Variants in REPS2 observed in about 807,000 individuals in gnomAD.
REPS2 encodes the protein RALBP1 associated Eps domain containing 2, also known as ralBP1-associated Eps domain-containing protein 2.
A neutral mutation model predicts 53.6 loss-of-function variants in REPS2; 23 were observed. That is an observed-to-expected ratio of 0.43 (90% CI 0.31 to 0.61). The LOEUF is 0.61. Ranked by LOEUF, REPS2 falls within the 20% of genes least tolerant of loss-of-function variation. The pLI is 0.11. For missense variants in REPS2, 446 were observed against 534.9 expected (o/e 0.83, Z 1.64); for synonymous variants, 238 against 218.6 (o/e 1.09, Z -0.78).
chrX:17,004,206 G>T (rs187821473), intron 1 of REPS2, among the ~76,000 whole-genome samples: 15 of 110,571 alleles, frequency 1.4e-4, no homozygotes, highest in African/African-American at 4.9e-4. Flanking sequence ...TTTATTTTGA[G>T]GAAAGCCCAG....
At chrX:17,064,100 GTCTT>G (rs2062194915) in intron 9 of REPS2, among the ~76,000 whole-genome samples, 1 of 38,639 alleles carries the variant, frequency 2.6e-5, no homozygotes, top group South Asian at 1.4e-3. Context: ...AAACTACCTA[GTCTT>G]TTTTTTTTTT....
At chrX:17,158,124 C>G (rs1331445709), downstream of REPS2, among the ~76,000 whole-genome samples, 1 of 112,126 alleles carries the variant, frequency 8.9e-6, no homozygotes, top group Non-Finnish European at 1.9e-5. Flanking sequence ...GTTACATACA[C>G]ACGTGCACCA....
rs762429370 is a variant in REPS2 at position 16,980,861 on chromosome X, A to G, written c.274-25360A>G. Among the ~76,000 whole-genome samples the G allele has an allele frequency of 1.1e-4, 12 of 112,133 alleles. No homozygotes were observed. In the East Asian group the frequency reaches 3.4e-3, roughly 31 times the overall value. On this transcript the variant is annotated intron_variant, in intron 1 of 17. Transcript: ENST00000357277. The stretch of plus-strand genomic sequence containing the variant: ...AGATTAGAAGCACTATCATATGTTC[A>G]TTTTCTGATCGCAGTTTAAGAAAGA...
At chrX:17,165,578 T>G in the REPS2 span, among the ~76,000 whole-genome samples, 1 of 111,730 alleles carries the variant, frequency 9.0e-6, no homozygotes, top group Non-Finnish European at 1.9e-5. Flanking sequence ...TGCACCCTAT[T>G]TAGTTGTCTG....
At chrX:17,166,637 A>C in the REPS2 span, among the ~76,000 whole-genome samples, 1 of 111,833 alleles carries the variant, frequency 8.9e-6, no homozygotes, top group African/African-American at 3.3e-5. Context: ...AGTTTATTTT[A>C]TATTCCAGCC....
rs201011654 is a variant in REPS2 at position 16,996,068 on chromosome X, T to TAAGGTTTAC, written c.274-10150_274-10149insGTTTACAAG. 4.8e-3 allele frequency among the ~76,000 whole-genome samples: 532 copies of TAAGGTTTAC among 110,783 alleles called. 5 individuals carry two copies. Among genetic ancestry groups the TAAGGTTTAC allele is most frequent in the African/African-American group, 0.016 (484 of 30,392 alleles). Reference sequence around the variant, plus strand: ...AAGCATTGCTCAGTGGCAGGAGTTGTAAGAGTAGGGAAGGTTTAGGAATTT... The same window carrying TAAGGTTTAC: ...AAGCATTGCTCAGTGGCAGGAGTTGTAAGGTTTACAAGAGTAGGGAAGGTTTAGGAATTT... On this transcript the variant is annotated intron_variant, in intron 1 of 17. Transcript: ENST00000357277.
At chrX:16,952,339 G>A (rs188439806) in intron 1 of REPS2, among the ~76,000 whole-genome samples, 2 of 111,741 alleles carry the variant, frequency 1.8e-5, no homozygotes, top group African/African-American at 6.5e-5. Flanking sequence ...TTGGTTTTCT[G>A]TTCCTGTGTT....
chrX:17,007,600 G>A (rs1394301297), intron 2 of REPS2, among the ~76,000 whole-genome samples: 1 of 111,984 alleles, frequency 8.9e-6, no homozygotes, highest in African/African-American at 3.2e-5. Flanking sequence ...CAGGGAAAGA[G>A]TATCTCACCC....
chrX:17,010,701 C>T (rs1277189494), intron 2 of REPS2, among the ~76,000 whole-genome samples: 1 of 111,328 alleles, frequency 9.0e-6, no homozygotes, highest in Non-Finnish European at 1.9e-5. Context: ...TGAAGAGGTG[C>T]ATGTCTACGC....
intron 1 of REPS2, among the ~76,000 whole-genome samples, chrX:16,968,159 T>C (rs2147673291): frequency 9.0e-6 from 1 of 111,004 alleles, no homozygotes; most frequent in African/African-American, 3.3e-5. Flanking sequence ...GGGTTGGGGG[T>C]AAGGTCACAG....
chrX:17,017,556 G>GATAT lies in REPS2; in HGVS notation c.398-4552_398-4549dup, dbSNP rs756415128. Among the ~76,000 whole-genome samples the GATAT allele has an allele frequency of 3.7e-3, 392 of 105,643 alleles. 2 individuals are homozygous for GATAT. Among genetic ancestry groups the GATAT allele is most frequent in the African/African-American group, 0.01 (302 of 28,997 alleles). The allele number at this position is 105,643 out of a possible 115,157, so 91.7% of individuals were successfully genotyped here. A position where few individuals can be genotyped will look rare whatever the true frequency, so the allele number is the denominator to read the frequency against. ...TGGGAATTTGGGTGTTGGTTACAGG[G>GATAT]ATATATATATATATATATGTATTTG... On this transcript the variant is annotated intron_variant, in intron 2 of 17. Coordinates refer to ENST00000357277, the MANE Select transcript of REPS2 (RefSeq NM_004726.3).
At chrX:16,970,825 G>A (rs925191129) in intron 1 of REPS2, among the ~76,000 whole-genome samples, 14 of 112,391 alleles carry the variant, frequency 1.2e-4, no homozygotes, top group African/African-American at 3.9e-4. Flanking sequence ...AATGTAGCAC[G>A]TATCAGCACT....
chrX:16,946,873 AGCGGCGGCG>A lies in REPS2; in HGVS notation c.24_32del (p.Ala15_Ala17del), dbSNP rs1159423697. 5.6e-5 allele frequency: 42 copies of A among 744,899 alleles called. No homozygotes were observed. In the East Asian group the frequency reaches 7.8e-4, roughly 14 times the overall value. 61.4% of individuals were successfully genotyped at this position (744,899 alleles called of 1,213,427 possible). A position where few individuals can be genotyped will look rare whatever the true frequency, so the allele number is the denominator to read the frequency against. ...CCCTTGCTGGCCCCATGGAGGCGGCAGCGGCGGCGGCGGCGGCGGCAGCGGCAGCGGCAG... is the reference window on the plus strand; with the variant it reads ...CCCTTGCTGGCCCCATGGAGGCGGCAGCGGCGGCGGCAGCGGCAGCGGCAG... On this transcript the variant is annotated inframe_deletion, in exon 1 of 18. Transcript: ENST00000357277.
intron 14 of REPS2, among the ~76,000 whole-genome samples, chrX:17,128,712 A>C (rs1276282398): frequency 8.9e-6 from 1 of 112,833 alleles, no homozygotes; most frequent in East Asian, 2.8e-4. Flanking sequence ...TCAGCTCAGC[A>C]GGGATCATAT....
At chrX:17,073,092 G>A in intron 11 of REPS2, among the ~76,000 whole-genome samples, 1 of 111,771 alleles carries the variant, frequency 8.9e-6, no homozygotes, top group Middle Eastern at 4.6e-3. Context: ...TCTCTGTCCT[G>A]TTATCTAACC....
chrX:17,006,356 A>G lies in REPS2; in HGVS notation c.397+12A>G, dbSNP rs1319212919. On this transcript the variant is annotated intron_variant, in intron 2 of 17. Transcript: ENST00000357277. ...GAGTATTAAATGTGGTGAGTATCTC[A>G]CATTTGTATGTTTTATTGTCCATGG... 1.7e-6 allele frequency: 2 copies of G among 1,202,410 alleles called. No homozygotes were observed. The highest frequency in any genetic ancestry group is 1.8e-5 in the African/African-American group (1 of 57,003).
intron 5 of REPS2, among the ~76,000 whole-genome samples, chrX:17,042,578 A>C (rs1270808995): frequency 1.8e-5 from 2 of 111,097 alleles, no homozygotes; most frequent in Admixed American, 9.6e-5. Context: ...CAGTGTTTCC[A>C]CATCTCTTGC....
the REPS2 span, among the ~76,000 whole-genome samples, chrX:17,175,502 T>C: frequency 0.061 from 6,811 of 111,951 alleles, 526 homozygotes; most frequent in African/African-American, 0.21. Flanking sequence ...GCTTCTCAAA[T>C]TGGGAAGGGA....
chrX:16,947,206 G>T, intron 1 of REPS2, 72 bp downstream of exon 1: 2 of 948,651 alleles, frequency 2.1e-6, no homozygotes, highest in Non-Finnish European at 2.6e-6. Context: ...TGCGAGTGGG[G>T]CGACAGGGCT....
Sources: allele counts gnomAD v4.1 joint callset (sites outside exome capture counted in the v4.1 genomes callset), GRCh38; gene constraint gnomAD v4.1.1; transcripts MANE v1.5; gene names NCBI Gene and HGNC (gene_info 2026-07-23, HGNC 2026-07-21).